The following PRKG1 variants were observed in gnomAD, a reference collection of about 807,000 sequenced individuals.
PRKG1 encodes cGMP-dependent protein kinase 1.
In PRKG1, 35 loss-of-function variants were observed where a neutral mutation model predicts 88.1. The ratio of observed to expected loss-of-function variants is 0.40; its 90% confidence interval spans 0.30 to 0.53. The LOEUF (loss-of-function observed/expected upper bound fraction) is 0.53, where lower values mean the gene tolerates loss of function less well. Ranked by LOEUF, PRKG1 falls within the 20% of genes least tolerant of loss-of-function variation. PRKG1 has a pLI of 0.59. For missense variants in PRKG1, 540 were observed against 839.8 expected (o/e 0.64, Z 4.41); for synonymous variants, 303 against 292.5 (o/e 1.04, Z -0.37).
intron 3 of PRKG1, among the ~76,000 whole-genome samples, chr10:51,613,721 T>C (rs941911388): frequency 5.9e-5 from 9 of 151,864 alleles, no homozygotes; most frequent in African/African-American, 9.7e-5. Flanking sequence ...TTTATTTTCA[T>C]ATAAATTTTT....
chr10:51,271,461 G>A (rs1358602400), intron 2 of PRKG1, among the ~76,000 whole-genome samples: 1 of 152,100 alleles, frequency 6.6e-6, no homozygotes, highest in Non-Finnish European at 1.5e-5. Flanking sequence ...CCTATAAATT[G>A]AGATGTGCTT....
At position 52,167,149 on chromosome 10, in the gene PRKG1, A is replaced by T. The variant is rs1475300258; in HGVS notation, c.1076+5186A>T. Among the ~76,000 whole-genome samples the T allele has an allele frequency of 3.3e-5, 5 of 152,052 alleles. No individual in the cohort carries two copies. The East Asian group carries it at 9.6e-4, about 29-fold the overall frequency. On this transcript the variant is annotated intron_variant, in intron 9 of 17. Coordinates refer to ENST00000373980, the MANE Select transcript of PRKG1 (RefSeq NM_006258.4). The stretch of plus-strand genomic sequence containing the variant: ...GGCATGGTTCTACAGGCTGTACAGG[A>T]AGCATAGTTCTGGCATCTGTTCTTG...
chr10:51,056,027 A>G (rs1843622415), intron 1 of PRKG1, among the ~76,000 whole-genome samples: 1 of 152,212 alleles, frequency 6.6e-6, no homozygotes, highest in Non-Finnish European at 1.5e-5. Flanking sequence ...AAACAATGAA[A>G]ACCTGTAAGT....
At chr10:51,720,843 G>T in intron 3 of PRKG1, among the ~76,000 whole-genome samples, 1 of 152,188 alleles carries the variant, frequency 6.6e-6, no homozygotes, top group African/African-American at 2.4e-5. Flanking sequence ...TATGTTCCTC[G>T]TGGATACAAA....
intron 3 of PRKG1, among the ~76,000 whole-genome samples, chr10:51,786,948 A>T (rs114648373): frequency 6.6e-6 from 1 of 152,160 alleles, no homozygotes; most frequent in African/African-American, 2.4e-5. Flanking sequence ...TTTACTGTGT[A>T]TAAGGTTATG....
chr10:52,229,465 G>C lies in PRKG1; in HGVS notation c.1077-22105G>C, dbSNP rs185286001. On this transcript the variant is annotated intron_variant, in intron 9 of 17. Transcript: ENST00000373980. ...CCTCATGATGGCTTTGAGGAGGTGA[G>C]TCATACTGAGTAAGCCCCAGGAAAA... Among the ~76,000 whole-genome samples the C allele has an allele frequency of 4.6e-5, 7 of 152,300 alleles. No individual in the cohort carries two copies. The East Asian group carries it at 1.4e-3, about 29-fold the overall frequency.
intron 1 of PRKG1, among the ~76,000 whole-genome samples, chr10:51,043,471 C>G (rs1238332383): frequency 6.6e-6 from 1 of 152,174 alleles, no homozygotes; most frequent in Non-Finnish European, 1.5e-5. Flanking sequence ...CTACAGTAAG[C>G]TATAGTCATC....
chr10:51,828,307 C>T (rs187651591), intron 4 of PRKG1, among the ~76,000 whole-genome samples: 2 of 151,594 alleles, frequency 1.3e-5, no homozygotes, highest in African/African-American at 2.4e-5. Context: ...ATAATCCTCA[C>T]GTGAAAAAAA....
At chr10:51,952,423 G>C (rs745338715) in intron 5 of PRKG1, among the ~76,000 whole-genome samples, 16 of 152,086 alleles carry the variant, frequency 1.1e-4, no homozygotes, top group Non-Finnish European at 2.1e-4. Context: ...TTACTAGCTG[G>C]GGGACTTTAG....
Position 51,949,784 on chromosome 10 carries a change from A to G in PRKG1, c.762+42214A>G, listed in dbSNP as rs1288117349. ...CAGACATAAATTAAATCATGTTTAC[A>G]TGAATAGCCTCATTTTACTCTGAAT... On this transcript the variant is annotated intron_variant, in intron 5 of 17. Transcript: ENST00000373980. 3.9e-5 allele frequency among the ~76,000 whole-genome samples: 6 copies of G among 152,308 alleles called. No individual in the cohort carries two copies. The East Asian group carries it at 1.2e-3, about 29-fold the overall frequency.
At chr10:52,056,273 GC>G (rs1293280066) in intron 6 of PRKG1, among the ~76,000 whole-genome samples, 1 of 152,036 alleles carries the variant, frequency 6.6e-6, no homozygotes, top group Non-Finnish European at 1.5e-5. Context: ...ATTGAAAATC[GC>G]CATGGATGTA....
chr10:52,006,874 G>A lies in PRKG1; in HGVS notation c.763-47610G>A, dbSNP rs79512545. Among the ~76,000 whole-genome samples, 966 of 152,214 alleles carry A rather than the reference G, an allele frequency of 6.3e-3. 84 individuals carry two copies. The East Asian group carries it at 0.17, about 26-fold the overall frequency. ...AGAAAAAATGTTAAAGGCAGCTGGA[G>A]AGAAGGGGTGGATCACCTACAAAGG... On this transcript the variant is annotated intron_variant, in intron 5 of 17. Transcript: ENST00000373980.
intron 7 of PRKG1, among the ~76,000 whole-genome samples, chr10:52,116,452 AT>A (rs1847689782): frequency 6.6e-6 from 1 of 152,166 alleles, no homozygotes; most frequent in South Asian, 2.1e-4. Context: ...AATAATTTTC[AT>A]TATTTTCTGT....
At chr10:51,358,815 C>A (rs1302069452) in intron 2 of PRKG1, among the ~76,000 whole-genome samples, 2 of 151,552 alleles carry the variant, frequency 1.3e-5, no homozygotes, top group Non-Finnish European at 2.9e-5. Context: ...AACTGTGTTA[C>A]CATAATGCTG....
chr10:52,211,772 C>A (rs7072159), intron 9 of PRKG1, among the ~76,000 whole-genome samples: 1 of 149,406 alleles, frequency 6.7e-6, no homozygotes, highest in Non-Finnish European at 1.5e-5. Context: ...AATGTTACTA[C>A]GGAAAGTGGA....
chr10:52,277,235 A>T (rs1449149766), intron 12 of PRKG1, among the ~76,000 whole-genome samples: 1 of 151,840 alleles, frequency 6.6e-6, no homozygotes, highest in East Asian at 1.9e-4. Context: ...AAGCATGGGG[A>T]AAGTGAAAAG....
chr10:51,754,377 G>C (rs1302118583), intron 3 of PRKG1, among the ~76,000 whole-genome samples: 1 of 152,132 alleles, frequency 6.6e-6, no homozygotes, highest in Non-Finnish European at 1.5e-5. Context: ...AACTTCTGCT[G>C]GTGACCTATC....
At chr10:51,204,977 C>T in intron 2 of PRKG1, among the ~76,000 whole-genome samples, 1 of 151,966 alleles carries the variant, frequency 6.6e-6, no homozygotes, top group Admixed American at 6.6e-5. Flanking sequence ...CTTTCCCATG[C>T]TGTTGGATTT....
intron 7 of PRKG1, among the ~76,000 whole-genome samples, chr10:52,073,192 T>A (rs937008889): frequency 1.3e-5 from 2 of 152,186 alleles, no homozygotes; most frequent in Admixed American, 6.5e-5. Context: ...AAATCTTTCT[T>A]TATGAGAACA....
Sources: gnomAD v4.1 joint callset for allele counts (sites outside exome capture counted in the v4.1 genomes callset) on GRCh38, gnomAD v4.1.1 for gene constraint, MANE v1.5 for transcripts, NCBI Gene and HGNC (gene_info 2026-07-23, HGNC 2026-07-21) for gene names.